The following PLA2R1 variants were observed in gnomAD, a reference collection of about 807,000 sequenced individuals.
PLA2R1 encodes phospholipase A2 receptor 1.
PLA2R1 carries 158 observed loss-of-function variants against 195.9 expected under a neutral mutation model. The ratio of observed to expected loss-of-function variants is 0.81; its 90% CI spans 0.71 to 0.92. The LOEUF is 0.92. Among genes scored for constraint, PLA2R1 ranks in the 40% least tolerant of loss-of-function variants. The pLI is 0.00. For synonymous variants in PLA2R1, 586 were observed against 598.2 expected (o/e 0.98, Z 0.30); for missense variants, 1,626 against 1,764.6 (o/e 0.92, Z 1.41).
chr2:159,943,419 T>C (rs1193945822), intron 28 of PLA2R1, among the ~76,000 whole-genome samples: 1 of 152,240 alleles, frequency 6.6e-6, no homozygotes, highest in Non-Finnish European at 1.5e-5. Flanking sequence ...GATAATTGAA[T>C]ATAGTCATAT....
At chr2:160,011,858 A>C (rs574401236) in intron 10 of PLA2R1, among the ~76,000 whole-genome samples, 105 of 152,310 alleles carry the variant, frequency 6.9e-4, no homozygotes, top group African/African-American at 2.4e-3. Context: ...CATCAAAGGT[A>C]GTGCTATATT....
chr2:159,990,041 C>G (rs541218071), intron 11 of PLA2R1, among the ~76,000 whole-genome samples: 3 of 152,098 alleles, frequency 2.0e-5, no homozygotes, highest in African/African-American at 7.2e-5. Flanking sequence ...AACATTTGAC[C>G]CAAATTTTAA....
chr2:160,020,778 T>C (rs1693056365), intron 7 of PLA2R1, among the ~76,000 whole-genome samples: 1 of 152,178 alleles, frequency 6.6e-6, no homozygotes, highest in Non-Finnish European at 1.5e-5. Flanking sequence ...CTGTAGGAAA[T>C]AAATTTCTTT....
At chr2:159,946,369 T>G (rs1687389032) in intron 27 of PLA2R1, 1 of 985,550 alleles carries the variant, frequency 1.0e-6, no homozygotes, top group Non-Finnish European at 1.2e-6. Flanking sequence ...GCTTCCATTT[T>G]ATTACAAACT....
At chr2:159,993,925 C>T (rs1448969444) in intron 11 of PLA2R1, among the ~76,000 whole-genome samples, 4 of 152,046 alleles carry the variant, frequency 2.6e-5, no homozygotes, top group Non-Finnish European at 4.4e-5. Flanking sequence ...AGCATTTGTT[C>T]TGTGTTTCCT....
intron 1 of PLA2R1, 134 bp from the exon 2 acceptor site, chr2:160,045,291 G>A: frequency 1.5e-6 from 1 of 680,856 alleles, no homozygotes. Flanking sequence ...GAGTTGTTGG[G>A]CAGGGTCCAC....
At chr2:160,046,281 C>A (rs773094648) in intron 1 of PLA2R1, among the ~76,000 whole-genome samples, 1 of 152,198 alleles carries the variant, frequency 6.6e-6, no homozygotes, top group African/African-American at 2.4e-5. Flanking sequence ...GAGGCCCAGG[C>A]GCTCTTTTGT....
In PLA2R1 at chr2:159,945,003, G is replaced by A; in HGVS notation, c.4047C>T (p.Phe1349=). Residue 1349 remains phenylalanine, a synonymous_variant, in exon 28 of 30, where the codon TTC becomes TTT. Coordinates refer to ENST00000283243, the MANE Select transcript of PLA2R1 (RefSeq NM_007366.5). ...WGIRKPDTDY[F]KPHHCVALRI... Reference sequence around the variant, plus strand: ...TCAAGGCAACACAATGATGGGGCTTGAAGTAGTCTGTGTCTGGCTTCCGAA... The same window carrying A: ...TCAAGGCAACACAATGATGGGGCTTAAAGTAGTCTGTGTCTGGCTTCCGAA... 2 of 1,613,584 alleles carry A rather than the reference G, an allele frequency of 1.2e-6. No homozygotes were observed. Among genetic ancestry groups the A allele is most frequent in the Non-Finnish European group, 1.7e-6 (2 of 1,179,650 alleles).
At chr2:160,034,523 G>A (rs1329922796) in intron 3 of PLA2R1, among the ~76,000 whole-genome samples, 2 of 152,214 alleles carry the variant, frequency 1.3e-5, no homozygotes, top group Non-Finnish European at 2.9e-5. Context: ...GGCCTTCCCT[G>A]AGAAGGACAA....
At position 159,934,062 on chromosome 2, in the gene PLA2R1, G is replaced by T. The variant is rs1032470476; in HGVS notation, c.*7716C>A. The T allele has an allele frequency of 6.6e-6, 1 of 152,164 alleles. No individual in the cohort carries two copies. The highest frequency in any genetic ancestry group is 1.5e-5 in the Non-Finnish European group (1 of 68,030). 9.4% of individuals were successfully genotyped at this position (152,164 alleles called of 1,614,324 possible). On this transcript the variant is annotated 3_prime_UTR_variant, in exon 30 of 30. Coordinates refer to ENST00000283243, the MANE Select transcript of PLA2R1 (RefSeq NM_007366.5). ...TTATTTTGAAAGGTGGGGAAAGAGG[G>T]AATAAATATTCCAAGCATGTATCTT...
intron 1 of PLA2R1, among the ~76,000 whole-genome samples, chr2:160,055,798 A>G (rs111357712): frequency 1.8e-4 from 27 of 152,298 alleles, no homozygotes; most frequent in African/African-American, 6.0e-4. Context: ...AACAACAAAG[A>G]GTAACGACTC....
chr2:159,976,300 G>A, intron 16 of PLA2R1, 75 bp from the exon 17 acceptor site: 1 of 976,828 alleles, frequency 1.0e-6, no homozygotes, highest in East Asian at 2.6e-5. Flanking sequence ...TTTGAGATTT[G>A]GTCACTCAAC....
intron 1 of PLA2R1, among the ~76,000 whole-genome samples, chr2:160,045,620 C>G (rs1256105458): frequency 2.0e-5 from 3 of 152,224 alleles, no homozygotes; most frequent in Non-Finnish European, 1.5e-5. Context: ...ATGAAACTCT[C>G]TACCATCAAG....
chr2:159,998,520 A>G (rs372797786), intron 11 of PLA2R1, among the ~76,000 whole-genome samples: 1 of 152,134 alleles, frequency 6.6e-6, no homozygotes, highest in Admixed American at 6.6e-5. Flanking sequence ...CCTACATAAT[A>G]ACCTCAATGA....
chr2:160,024,506 G>A (rs1693372475), intron 6 of PLA2R1, among the ~76,000 whole-genome samples: 1 of 152,076 alleles, frequency 6.6e-6, no homozygotes, highest in Non-Finnish European at 1.5e-5. Flanking sequence ...TCCCTACCCT[G>A]GCTGCCCAAA....
intron 24 of PLA2R1, 31 bp downstream of exon 24, chr2:159,951,309 A>G: frequency 1.6e-6 from 2 of 1,224,742 alleles, no homozygotes; most frequent in Non-Finnish European, 2.4e-6. Flanking sequence ...TTAATTATTC[A>G]AGGATGTCTC....
chr2:159,995,525 AT>A (rs1176257281), intron 11 of PLA2R1, among the ~76,000 whole-genome samples: 1 of 151,916 alleles, frequency 6.6e-6, no homozygotes, highest in African/African-American at 2.4e-5. Flanking sequence ...CTAAACTTTT[AT>A]TTTTTTGCAG....
intron 13 of PLA2R1, 88 bp from the exon 14 acceptor site, chr2:159,980,002 G>A: frequency 1.4e-6 from 1 of 690,194 alleles, no homozygotes; most frequent in Non-Finnish European, 2.6e-6. Context: ...CATGGCACAT[G>A]TATACACATG....
rs561130332 is a variant in PLA2R1, at chr2:159,936,178, T to G, written c.*5600A>C. 6.6e-5 allele frequency: 10 copies of G among 152,240 alleles called. No individual in the cohort carries two copies. The highest frequency in any genetic ancestry group is 2.4e-4 in the African/African-American group (10 of 41,552). The allele number at this position is 152,240 out of a possible 1,614,324, so 9.4% of individuals were successfully genotyped here. A position where few individuals can be genotyped will look rare whatever the true frequency, so the allele number is the denominator to read the frequency against. On this transcript the variant is annotated 3_prime_UTR_variant, in exon 30 of 30. Coordinates refer to ENST00000283243, the MANE Select transcript of PLA2R1 (RefSeq NM_007366.5). ...CTTGTTAGCCAGGATGGTCTCGATCTCCTCACCTCGTGATCCACCCGCCTC... is the reference window on the plus strand; with the variant it reads ...CTTGTTAGCCAGGATGGTCTCGATCGCCTCACCTCGTGATCCACCCGCCTC...
Sources: gnomAD v4.1 joint callset for allele counts (sites outside exome capture counted in the v4.1 genomes callset) on GRCh38, gnomAD v4.1.1 for gene constraint, MANE v1.5 for transcripts, NCBI Gene and HGNC (gene_info 2026-07-23, HGNC 2026-07-21) for gene names.